PTPRG: variants seen among roughly 807,000 people sequenced by gnomAD.
PTPRG encodes receptor-type tyrosine-protein phosphatase gamma.
PTPRG carries 102 observed loss-of-function variants against 165.3 expected under a neutral mutation model. That is an observed-to-expected ratio of 0.62 (90% confidence interval 0.53 to 0.73). The LOEUF (loss-of-function observed/expected upper bound fraction) is 0.73, where lower values mean the gene tolerates loss of function less well. Among genes scored for constraint, PTPRG ranks in the 30% least tolerant of loss-of-function variants. The pLI, the probability that PTPRG is intolerant of heterozygous loss-of-function variation, is 0.00. For synonymous variants in PTPRG, 675 were observed against 669.5 expected (o/e 1.01, Z -0.13); for missense variants, 1,866 against 1,861.4 (o/e 1.00, Z -0.05).
At chr3:62,090,619 GAC>G (rs1245557644) in intron 5 of PTPRG, among the ~76,000 whole-genome samples, 2 of 152,182 alleles carry the variant, frequency 1.3e-5, no homozygotes, top group African/African-American at 4.8e-5. Context: ...TCTGAAAAGA[GAC>G]TTTCAGTGTC....
chr3:61,855,979 C>T (rs1291583182), intron 2 of PTPRG, among the ~76,000 whole-genome samples: 1 of 152,032 alleles, frequency 6.6e-6, no homozygotes, highest in African/African-American at 2.4e-5. Flanking sequence ...TTAAATTTTA[C>T]TTCTTCCTAT....
chr3:61,882,011 G>T (rs2037901318), intron 2 of PTPRG, among the ~76,000 whole-genome samples: 1 of 152,114 alleles, frequency 6.6e-6, no homozygotes, highest in South Asian at 2.1e-4. Context: ...TCATGCTGGG[G>T]GTAAGAGCTT....
At chr3:61,945,132 T>A (rs1035534955) in intron 2 of PTPRG, among the ~76,000 whole-genome samples, 2 of 152,140 alleles carry the variant, frequency 1.3e-5, no homozygotes, top group Non-Finnish European at 2.9e-5. Context: ...GCACAGAATA[T>A]CAGTAAGTGT....
At chr3:62,293,052 C>T in intron 29 of PTPRG, 109 bp from the exon 30 acceptor site, 1 of 916,848 alleles carries the variant, frequency 1.1e-6, no homozygotes, top group Non-Finnish European at 1.6e-6. Flanking sequence ...TATGCTATTG[C>T]TGTTTCTCTA....
At chr3:62,021,228 G>A (rs1013629552) in intron 4 of PTPRG, among the ~76,000 whole-genome samples, 2 of 152,136 alleles carry the variant, frequency 1.3e-5, no homozygotes, top group Non-Finnish European at 2.9e-5. Flanking sequence ...TCCATGATGT[G>A]GATGCAATAC....
At chr3:62,068,759 G>A (rs17065863) in intron 4 of PTPRG, among the ~76,000 whole-genome samples, 13,479 of 152,176 alleles carry the variant, frequency 0.089, 657 homozygotes, top group African/African-American at 0.14. Flanking sequence ...TGGCACCCAA[G>A]TATATGCCTC....
intron 2 of PTPRG, among the ~76,000 whole-genome samples, chr3:61,902,727 T>C (rs988394450): frequency 4.6e-5 from 7 of 152,196 alleles, no homozygotes; most frequent in African/African-American, 1.7e-4. Flanking sequence ...CTCTCAGCCC[T>C]CTCTCCTGGT....
chr3:62,021,857 C>CTTTTTTTTTTTTTTTTTTTT (rs398062374), intron 4 of PTPRG, among the ~76,000 whole-genome samples: 3 of 97,102 alleles, frequency 3.1e-5, no homozygotes, highest in Non-Finnish European at 6.4e-5. Flanking sequence ...TTTTCCTTTT[C>CTTTTTTTTTTTTTTTTTTTT]TTTTTTTTTT....
chr3:62,109,298 C>T (rs4260430), intron 5 of PTPRG, among the ~76,000 whole-genome samples: 23 of 152,160 alleles, frequency 1.5e-4, no homozygotes, highest in Admixed American at 5.2e-4. Flanking sequence ...TTATTAAATA[C>T]GGAATCTTTT....
At position 62,229,060 on chromosome 3, in the gene PTPRG, A is replaced by G. The variant is rs1260532386; in HGVS notation, c.2289-2165A>G. On this transcript the variant is annotated intron_variant, in intron 13 of 29. Coordinates refer to ENST00000474889, the MANE Select transcript of PTPRG (RefSeq NM_002841.4). The surrounding 1 kb of genome is among the most constrained non-coding windows in gnomAD (Gnocchi z 4.6). Reference sequence around the variant, plus strand: ...CAGTTCAGCTTTTCAAAGCCTGACAATGTGTCAAGCCATTGGGGAGAGCTC... The same window carrying G: ...CAGTTCAGCTTTTCAAAGCCTGACAGTGTGTCAAGCCATTGGGGAGAGCTC... 6.6e-6 allele frequency among the ~76,000 whole-genome samples: 1 copy of G among 152,160 alleles called. No homozygotes were observed. The highest frequency in any genetic ancestry group is 1.5e-5 in the Non-Finnish European group (1 of 68,044).
rs146672455 is a variant in PTPRG, at chr3:62,191,575, C to T, written c.1140C>T (p.Asn380=). The part of the protein sequence containing the change: ...PETIYHPPIM[N]YMISYSWTKN... ...CTATCTACCACCCACCCATCATGAA[C>T]TACATGATCTCCTACAGCTGGACCA... Residue 380 remains asparagine (N), a synonymous_variant, in exon 9 of 30, where the codon AAC becomes AAT. Coordinates refer to ENST00000474889, the MANE Select transcript of PTPRG (RefSeq NM_002841.4). The T allele has an allele frequency of 9.9e-6, 16 of 1,613,908 alleles. No individual in the cohort carries two copies. In the African/African-American group the frequency reaches 1.9e-4, roughly 19 times the overall value.
At chr3:61,627,051 C>T (rs922795079) in intron 1 of PTPRG, among the ~76,000 whole-genome samples, 2 of 152,064 alleles carry the variant, frequency 1.3e-5, no homozygotes, top group Non-Finnish European at 2.9e-5. Flanking sequence ...AGACCTGTCA[C>T]CCAAATGCAG....
intron 16 of PTPRG, among the ~76,000 whole-genome samples, chr3:62,260,695 T>G (rs1701669534): frequency 6.6e-6 from 1 of 152,130 alleles, no homozygotes; most frequent in Non-Finnish European, 1.5e-5. Context: ...TTTAACACAC[T>G]AAAATCCTGT....
chr3:61,631,728 T>A (rs573604576), intron 1 of PTPRG, among the ~76,000 whole-genome samples: 27 of 152,312 alleles, frequency 1.8e-4, no homozygotes, highest in African/African-American at 6.5e-4. Context: ...CTTATTCTAC[T>A]CAGTCATTGG....
intron 2 of PTPRG, among the ~76,000 whole-genome samples, chr3:61,847,672 T>C (rs1335709302): frequency 1.3e-5 from 2 of 152,114 alleles, no homozygotes; most frequent in African/African-American, 4.8e-5. Flanking sequence ...GCCAAGAAGA[T>C]AGAAGAGGTT....
chr3:61,681,688 A>G (rs1306354654), intron 1 of PTPRG, among the ~76,000 whole-genome samples: 2 of 152,224 alleles, frequency 1.3e-5, no homozygotes, highest in African/African-American at 4.8e-5. Flanking sequence ...TAATACATGT[A>G]AAGTATTTGA....
At chr3:61,973,587 T>G (rs1053451548) in intron 2 of PTPRG, among the ~76,000 whole-genome samples, 1 of 152,124 alleles carries the variant, frequency 6.6e-6, no homozygotes, top group Non-Finnish European at 1.5e-5. Context: ...ATCACAGCAC[T>G]TTGGGCGGCT....
chr3:61,706,791 GTAT>G (rs541054128), intron 1 of PTPRG, among the ~76,000 whole-genome samples: 3 of 151,650 alleles, frequency 2.0e-5, no homozygotes, highest in Non-Finnish European at 1.5e-5. Flanking sequence ...TGCCCGGCCA[GTAT>G]TATTATTATT....
intron 4 of PTPRG, among the ~76,000 whole-genome samples, chr3:62,047,704 T>C (rs1245459379): frequency 6.6e-6 from 1 of 152,224 alleles, no homozygotes; most frequent in African/African-American, 2.4e-5. Flanking sequence ...CATTTAATGC[T>C]GGATGTCAAT....
Sources: gnomAD v4.1 joint callset for allele counts (sites outside exome capture counted in the v4.1 genomes callset) on GRCh38, gnomAD v4.1.1 for gene constraint, Gnocchi (gnomAD v3.1) non-coding constraint, MANE v1.5 for transcripts, NCBI Gene and HGNC (gene_info 2026-07-23, HGNC 2026-07-21) for gene names.